Variants in GLG1 observed in about 807,000 individuals in gnomAD.
The protein encoded by GLG1 is golgi glycoprotein 1.
GLG1 carries 38 observed loss-of-function variants against 160.5 expected under a neutral mutation model. The ratio of observed to expected loss-of-function variants is 0.24; its 90% CI spans 0.18 to 0.31. The LOEUF (loss-of-function observed/expected upper bound fraction) is 0.31. Ranked by LOEUF, GLG1 falls within the 10% of genes least tolerant of loss-of-function variation. The pLI, the probability that GLG1 is intolerant of heterozygous loss-of-function variation, is 1.00. For missense variants in GLG1, 1,373 were observed against 1,505.2 expected, an observed-to-expected ratio of 0.91 and a Z score of 1.45; for synonymous variants, 644 against 543.4, an observed-to-expected ratio of 1.19 and a Z score of -2.57.
intron 24 of GLG1, 109 bp downstream of exon 24, chr16:74,457,765 A>T: frequency 1.0e-6 from 1 of 963,146 alleles, no homozygotes; most frequent in Non-Finnish European, 1.5e-6. Flanking sequence ...TGACTGGGCT[A>T]CAACTACAGA....
chr16:74,583,750 G>A (rs999737301), intron 1 of GLG1, among the ~76,000 whole-genome samples: 3 of 152,044 alleles, frequency 2.0e-5, no homozygotes, highest in Non-Finnish European at 4.4e-5. Context: ...TTCTCAGGGA[G>A]ACATATCCAG....
intron 22 of GLG1, among the ~76,000 whole-genome samples, chr16:74,460,533 T>C (rs1388354277): frequency 6.6e-6 from 1 of 152,230 alleles, no homozygotes; most frequent in Non-Finnish European, 1.5e-5. Flanking sequence ...GTGCCCCCTC[T>C]TCACTGGCCT....
At chr16:74,460,941 C>T (rs940377591) in intron 22 of GLG1, among the ~76,000 whole-genome samples, 4 of 152,318 alleles carry the variant, frequency 2.6e-5, no homozygotes, top group Non-Finnish European at 5.9e-5. Flanking sequence ...CGCGCGTACC[C>T]GCACACACAC....
chr16:74,574,484 A>G (rs918807854), intron 1 of GLG1, among the ~76,000 whole-genome samples: 4 of 152,194 alleles, frequency 2.6e-5, no homozygotes, highest in African/African-American at 9.7e-5. Flanking sequence ...GGTGCTTATC[A>G]TCTAACTCAA....
chr16:74,532,183 TA>T (rs34188953), intron 1 of GLG1, 30 bp from the exon 2 acceptor site: 9,111 of 695,772 alleles, frequency 0.013, 585 homozygotes, highest in African/African-American at 0.027. Flanking sequence ...AGAGATGATG[TA>T]AAAAAAAAAA....
intron 11 of GLG1, 90 bp from the exon 12 acceptor site, chr16:74,477,623 A>T (rs975728713): frequency 1.1e-6 from 1 of 898,704 alleles, no homozygotes; most frequent in Admixed American, 2.7e-5. Context: ...GAAACTAACA[A>T]ATAACCCTGT....
In GLG1 at chr16:74,468,977, C is replaced by T; in HGVS notation, c.2405G>A (p.Arg802His). The stretch of plus-strand genomic sequence containing the variant: ...CAGCTCCTCCACACGGAGCTGCCTG[C>T]GGCACTTCAGGGACACCCTGTGCTC... Reference protein sequence around the residue: ...AKEHRVSLKCRRQLRVEELEM... With the variant: ...AKEHRVSLKCHRQLRVEELEM... Residue 802 changes from arginine to histidine, a missense_variant, in exon 17 of 26, where the codon CGC becomes CAC. Physicochemically the swap from Arg to His is conservative, Grantham distance 29. Transcript: ENST00000422840. 1 of 1,610,798 alleles carries T rather than the reference C, an allele frequency of 6.2e-7. No homozygotes were observed. The highest frequency in any genetic ancestry group is 1.3e-5 in the African/African-American group (1 of 74,988).
At chr16:74,544,660 C>G (rs1055200124) in intron 1 of GLG1, among the ~76,000 whole-genome samples, 4 of 152,144 alleles carry the variant, frequency 2.6e-5, no homozygotes, top group African/African-American at 9.7e-5. Context: ...GCCACCACGC[C>G]CAGCTAATTT....
intron 1 of GLG1, among the ~76,000 whole-genome samples, chr16:74,554,846 C>T (rs2018309418): frequency 6.6e-6 from 1 of 152,108 alleles, no homozygotes; most frequent in South Asian, 2.1e-4. Flanking sequence ...AGATCACACA[C>T]TAACATAAAA....
chr16:74,473,020 A>C (rs1391576549), intron 13 of GLG1: 1 of 155,192 alleles, frequency 6.4e-6, no homozygotes, highest in East Asian at 1.9e-4. Context: ...ACTAGAAAGC[A>C]AAAAAGAACT....
At position 74,496,970 on chromosome 16, in the gene GLG1, G is replaced by A. The variant is rs565225416; in HGVS notation, c.775-326C>T. 1.3e-3 allele frequency among the ~76,000 whole-genome samples: 201 copies of A among 152,156 alleles called. 1 individual carries two copies. The highest frequency in any genetic ancestry group is 2.6e-3 in the Non-Finnish European group (178 of 68,008). On this transcript the variant is annotated intron_variant, in intron 4 of 25. Coordinates refer to ENST00000422840, the MANE Select transcript of GLG1 (RefSeq NM_001145667.2). The stretch of plus-strand genomic sequence containing the variant: ...ACCTGAATTTTTAAAAATTTAAAAT[G>A]TCAAAAATTCATAAGAAACACAACA...
chr16:74,486,902 T>C (rs560929994), intron 8 of GLG1, among the ~76,000 whole-genome samples: 35 of 151,086 alleles, frequency 2.3e-4, no homozygotes, highest in African/African-American at 8.0e-4. Context: ...GATGGTGTTT[T>C]GGGGTAGAAA....
At chr16:74,458,125 C>G in intron 23 of GLG1, 131 bp from the exon 24 acceptor site, 1 of 813,062 alleles carries the variant, frequency 1.2e-6, no homozygotes, top group Non-Finnish European at 2.0e-6. Context: ...CACTTTGGGA[C>G]AGGTTGCAAG....
rs1251396619 is a variant in GLG1 at position 74,603,119 on chromosome 16, G to A, written c.438+3538C>T. Among the ~76,000 whole-genome samples the A allele has an allele frequency of 2.4e-3, 329 of 135,634 alleles. 1 individual carries two copies. Among genetic ancestry groups the A allele is most frequent in the African/African-American group, 7.9e-3 (309 of 39,186 alleles). The allele number at this position is 135,634 out of a possible 152,430, so 89.0% of individuals were successfully genotyped here. ...AACAACAACAACAACAACAGCAGCAGCAGCAGCAGCAGCCAGGCGCAATAG... is the reference window on the plus strand; with the variant it reads ...AACAACAACAACAACAACAGCAGCAACAGCAGCAGCAGCCAGGCGCAATAG... On this transcript the variant is annotated intron_variant, in intron 1 of 25. Transcript: ENST00000422840.
chr16:74,606,841 G>GGCTGCTGTT lies in GLG1; in HGVS notation c.245_253dup (p.Gln82_Gln84dup). On this transcript the variant is annotated inframe_insertion, in exon 1 of 26. Coordinates refer to ENST00000422840, the MANE Select transcript of GLG1 (RefSeq NM_001145667.2). The stretch of plus-strand genomic sequence containing the variant: ...CGGGAAAGGCGGCTGCGGCGGCTGA[G>GGCTGCTGTT]GCTGCTGTTGCTGTTGCTGCTGCTG... The GGCTGCTGTT allele has an allele frequency of 6.3e-7, 1 of 1,599,244 alleles. No homozygotes were observed. The highest frequency in any genetic ancestry group is 8.5e-7 in the Non-Finnish European group (1 of 1,173,490).
At chr16:74,568,597 T>C (rs2018728146) in intron 1 of GLG1, among the ~76,000 whole-genome samples, 1 of 152,148 alleles carries the variant, frequency 6.6e-6, no homozygotes, top group Admixed American at 6.5e-5. Context: ...TTTATGTTTT[T>C]AGTAGAGACG....
Position 74,592,724 on chromosome 16 carries a change from T to C in GLG1, c.438+13933A>G, listed in dbSNP as rs76872303. 2.2e-4 allele frequency among the ~76,000 whole-genome samples: 34 copies of C among 152,270 alleles called. No individual in the cohort carries two copies. In the East Asian group the frequency reaches 6.2e-3, roughly 28 times the overall value. ...CTCCAAAGCCCATTCTATTTTTCCA[T>C]TTACCACAATGCTTTTCCTCTCATC... On this transcript the variant is annotated intron_variant, in intron 1 of 25. Transcript: ENST00000422840.
intron 1 of GLG1, among the ~76,000 whole-genome samples, chr16:74,597,956 C>T (rs1306471333): frequency 2.0e-5 from 3 of 151,796 alleles, no homozygotes; most frequent in Non-Finnish European, 4.4e-5. Flanking sequence ...CCAGAGATTA[C>T]AGTGAGCTGA....
chr16:74,583,209 C>T (rs1806279508), intron 1 of GLG1, among the ~76,000 whole-genome samples: 1 of 152,188 alleles, frequency 6.6e-6, no homozygotes, highest in African/African-American at 2.4e-5. Flanking sequence ...TGGCCATTTT[C>T]ATAGCCCCAA....
Sources: gnomAD v4.1 joint callset for allele counts (sites outside exome capture counted in the v4.1 genomes callset) on GRCh38, gnomAD v4.1.1 for gene constraint, MANE v1.5 for transcripts, NCBI Gene and HGNC (gene_info 2026-07-23, HGNC 2026-07-21) for gene names.